TIAM1: variants seen among roughly 807,000 people sequenced by gnomAD.
TIAM1 encodes rho guanine nucleotide exchange factor TIAM1.
Under a neutral mutation model 163.5 loss-of-function variants are expected in TIAM1, and 65 were observed. The ratio of observed to expected loss-of-function variants is 0.40; its 90% CI spans 0.33 to 0.49. TIAM1 has a LOEUF of 0.49. Among genes scored for constraint, TIAM1 ranks in the 20% least tolerant of loss-of-function variants. TIAM1 has a pLI of 0.77. For synonymous variants in TIAM1, 833 were observed against 810.1 expected, an observed-to-expected ratio of 1.03 and a Z score of -0.48; for missense variants, 1,789 against 2,044.7, an observed-to-expected ratio of 0.87 and a Z score of 2.41.
chr21:31,267,891 T>TG (rs1252701207), intron 3 of TIAM1, among the ~76,000 whole-genome samples: 1 of 152,192 alleles, frequency 6.6e-6, no homozygotes, highest in Non-Finnish European at 1.5e-5. Context: ...TTCCGCCTTC[T>TG]GGGGCCCCCC....
At chr21:31,122,360 C>T (rs1352865010) in intron 27 of TIAM1, among the ~76,000 whole-genome samples, 4 of 152,096 alleles carry the variant, frequency 2.6e-5, no homozygotes, top group Non-Finnish European at 4.4e-5. Flanking sequence ...ATACAGCATC[C>T]CTCTCTCCAA....
rs776768586 is a variant in TIAM1 at position 31,118,678 on chromosome 21, C to T, written c.*1690G>A. 4.0e-5 allele frequency: 19 copies of T among 470,312 alleles called. No homozygotes were observed. Among genetic ancestry groups the T allele is most frequent in the Non-Finnish European group, 6.2e-5 (14 of 226,894 alleles). 29.1% of individuals were successfully genotyped at this position (470,312 alleles called of 1,614,324 possible). A position where few individuals can be genotyped will look rare whatever the true frequency, so the allele number is the denominator to read the frequency against. ...TCTGCTTCCGTTTTCCATCTGGACG[C>T]GATCGAACCGGAGATGATATGGAAA... On this transcript the variant is annotated 3_prime_UTR_variant, in exon 28 of 28. Transcript: ENST00000541036.
At chr21:31,381,908 C>G (rs1160705075) in intron 2 of TIAM1, among the ~76,000 whole-genome samples, 3 of 152,282 alleles carry the variant, frequency 2.0e-5, no homozygotes, top group South Asian at 4.1e-4. Flanking sequence ...TAGAGAGAGG[C>G]TGTCTTCAAA....
chr21:31,483,569 G>A (rs1411193645), intron 1 of TIAM1, among the ~76,000 whole-genome samples: 7 of 152,092 alleles, frequency 4.6e-5, no homozygotes, highest in African/African-American at 1.4e-4. Flanking sequence ...GACAACCAGA[G>A]GATCCCAAGG....
At chr21:31,415,819 A>G (rs960108756) in intron 2 of TIAM1, among the ~76,000 whole-genome samples, 1 of 152,092 alleles carries the variant, frequency 6.6e-6, no homozygotes, top group African/African-American at 2.4e-5. Context: ...ATTTTTGGCC[A>G]TGACCCAACA....
At chr21:31,268,874 A>T (rs749020681) in intron 3 of TIAM1, among the ~76,000 whole-genome samples, 1 of 152,338 alleles carries the variant, frequency 6.6e-6, no homozygotes, top group African/African-American at 2.4e-5. Flanking sequence ...TTATTTTTTT[A>T]AAGTACATAT....
chr21:31,467,813 G>A (rs1035262382), intron 1 of TIAM1, among the ~76,000 whole-genome samples: 30 of 152,014 alleles, frequency 2.0e-4, no homozygotes, highest in African/African-American at 7.2e-4. Flanking sequence ...GCCAGGTGCG[G>A]CAGCTCATGC....
intron 8 of TIAM1, among the ~76,000 whole-genome samples, chr21:31,221,103 G>GA (rs1453357794): frequency 6.6e-6 from 1 of 151,770 alleles, no homozygotes; most frequent in African/African-American, 2.4e-5. Context: ...ACCCCAAGGA[G>GA]AAAAAAAATC....
intron 1 of TIAM1, among the ~76,000 whole-genome samples, chr21:31,341,678 T>C (rs2076020958): frequency 6.6e-6 from 1 of 152,192 alleles, no homozygotes; most frequent in Admixed American, 6.5e-5. Context: ...AAACAGAAAG[T>C]ATATTTTAAT....
At chr21:31,430,665 T>C (rs896668883) in intron 2 of TIAM1, among the ~76,000 whole-genome samples, 1 of 152,180 alleles carries the variant, frequency 6.6e-6, no homozygotes, top group Non-Finnish European at 1.5e-5. Context: ...TCTGCATGGA[T>C]TTGTTTTAGA....
chr21:31,516,893 T>C (rs2047400442), intron 1 of TIAM1, among the ~76,000 whole-genome samples: 1 of 150,576 alleles, frequency 6.6e-6, no homozygotes, highest in African/African-American at 2.4e-5. Context: ...CTACTAAAAA[T>C]ACAAAAATTA....
chr21:31,431,459 A>G (rs2044024929), intron 2 of TIAM1, among the ~76,000 whole-genome samples: 1 of 152,176 alleles, frequency 6.6e-6, no homozygotes, highest in Admixed American at 6.5e-5. Context: ...CAGTGGGAGA[A>G]CCACTGAGCT....
At chr21:31,273,363 C>A (rs777767648) in intron 3 of TIAM1, among the ~76,000 whole-genome samples, 4 of 152,188 alleles carry the variant, frequency 2.6e-5, no homozygotes, top group Non-Finnish European at 4.4e-5. Context: ...TAAATCTGCA[C>A]AAGTGACAGG....
chr21:31,374,926 A>G (rs984153193), intron 2 of TIAM1, among the ~76,000 whole-genome samples: 1 of 152,244 alleles, frequency 6.6e-6, no homozygotes, highest in African/African-American at 2.4e-5. Context: ...TCAACCACTA[A>G]AAATGAAGTT....
intron 2 of TIAM1, among the ~76,000 whole-genome samples, chr21:31,391,055 T>C (rs963318010): frequency 6.6e-6 from 1 of 151,998 alleles, no homozygotes; most frequent in Non-Finnish European, 1.5e-5. Context: ...CGTCCAGGCC[T>C]TCTAGGGGCT....
At chr21:31,129,816 T>C (rs944824823) in intron 25 of TIAM1, among the ~76,000 whole-genome samples, 1 of 152,208 alleles carries the variant, frequency 6.6e-6, no homozygotes, top group East Asian at 1.9e-4. Flanking sequence ...GATCTCTCAG[T>C]TGAAAGGCAA....
chr21:31,527,922 C>A (rs1362197915), intron 1 of TIAM1, among the ~76,000 whole-genome samples: 1 of 152,186 alleles, frequency 6.6e-6, no homozygotes. Context: ...TCTCCCTACA[C>A]AAACAGGAAC....
chr21:31,190,724 G>C lies in TIAM1; in HGVS notation c.2576-3637C>G, dbSNP rs138546220. ...CTGGATATGTGAACTAATTTCAACA[G>C]TAAAGTGTGGGAGTGAGCTGAGGGC... On this transcript the variant is annotated intron_variant, in intron 13 of 27. Transcript: ENST00000541036. 2.4e-3 allele frequency among the ~76,000 whole-genome samples: 371 copies of C among 152,310 alleles called. 1 individual carries two copies. Among genetic ancestry groups the C allele is most frequent in the Non-Finnish European group, 3.9e-3 (265 of 68,034 alleles).
chr21:31,279,813 T>C (rs988730415), intron 2 of TIAM1, among the ~76,000 whole-genome samples: 12 of 152,294 alleles, frequency 7.9e-5, no homozygotes, highest in Admixed American at 7.8e-4. Flanking sequence ...ATAAAGAATG[T>C]GCTACAGAAT....
Sources: allele counts gnomAD v4.1 joint callset (sites outside exome capture counted in the v4.1 genomes callset), GRCh38; gene constraint gnomAD v4.1.1; transcripts MANE v1.5; gene names NCBI Gene and HGNC (gene_info 2026-07-23, HGNC 2026-07-21).